Variants in LARP1B observed in about 807,000 individuals in gnomAD.
LARP1B encodes the protein la-related protein 1B.
LARP1B carries 76 observed loss-of-function variants against 114.2 expected under a neutral mutation model. That is an observed-to-expected ratio of 0.67 (90% CI 0.55 to 0.81). The LOEUF (loss-of-function observed/expected upper bound fraction) is 0.81, where lower values mean the gene tolerates loss of function less well. LARP1B is among the 30% of genes least tolerant of loss of function. LARP1B has a pLI of 0.00. For missense variants in LARP1B, 1,014 were observed against 1,075.8 expected (o/e 0.94, Z 0.80); for synonymous variants, 345 against 348.0 (o/e 0.99, Z 0.10).
intron 11 of LARP1B, among the ~76,000 whole-genome samples, chr4:128,125,718 C>A (rs1053376729): frequency 4.6e-5 from 7 of 152,102 alleles, no homozygotes; most frequent in African/African-American, 1.7e-4. Flanking sequence ...TGCATTCCAG[C>A]CTTGTGACAG....
chr4:128,073,753 G>A (rs1198186557), intron 1 of LARP1B, among the ~76,000 whole-genome samples: 2 of 150,816 alleles, frequency 1.3e-5, no homozygotes, highest in Non-Finnish European at 2.9e-5. Flanking sequence ...ACCACACTGG[G>A]CTAATTTTTC....
At chr4:128,195,480 T>C (rs1339423797) in intron 15 of LARP1B, among the ~76,000 whole-genome samples, 1 of 152,214 alleles carries the variant, frequency 6.6e-6, no homozygotes, top group Admixed American at 6.5e-5. Context: ...AGAATTTATT[T>C]AATGATAGCT....
chr4:128,108,537 A>T, intron 9 of LARP1B: 1 of 985,522 alleles, frequency 1.0e-6, no homozygotes, highest in Non-Finnish European at 1.2e-6. Context: ...TCGATGATGG[A>T]CAGTCTCACA....
intron 1 of LARP1B, chr4:128,061,672 G>C: frequency 1.0e-6 from 1 of 984,666 alleles, no homozygotes; most frequent in Non-Finnish European, 1.2e-6. Context: ...ACCCCGGCTG[G>C]GGCGGCTGGG....
chr4:128,141,238 C>G (rs1442755164), intron 11 of LARP1B, among the ~76,000 whole-genome samples: 2 of 152,056 alleles, frequency 1.3e-5, no homozygotes, highest in Non-Finnish European at 2.9e-5. Context: ...ACGTCCATTC[C>G]AAAAATGTGC....
chr4:128,200,076 A>T (rs1406954061), intron 16 of LARP1B, among the ~76,000 whole-genome samples: 3 of 152,042 alleles, frequency 2.0e-5, no homozygotes, highest in African/African-American at 7.2e-5. Context: ...ACAGAGTGAG[A>T]CTCTGTCTCA....
chr4:128,060,930 T>C (rs542682441), upstream of LARP1B, among the ~76,000 whole-genome samples: 261 of 152,258 alleles, frequency 1.7e-3, no homozygotes, highest in African/African-American at 5.8e-3. Flanking sequence ...CTTTAGGGCC[T>C]AAGGGCAAAT....
intron 8 of LARP1B, among the ~76,000 whole-genome samples, chr4:128,098,747 G>GTGTGTATATATATA: frequency 0.01 from 156 of 15,576 alleles, 30 homozygotes; most frequent in Middle Eastern, 0.1. Context: ...ATATGTATGT[G>GTGTGTATATATATA]TATATATATA....
At chr4:128,208,542 A>G (rs1027966775) in intron 19 of LARP1B, among the ~76,000 whole-genome samples, 1 of 152,182 alleles carries the variant, frequency 6.6e-6, no homozygotes, top group African/African-American at 2.4e-5. Flanking sequence ...TTCTGTCACA[A>G]AGACATCCTT....
chr4:128,180,397 C>T (rs923182235), intron 15 of LARP1B, among the ~76,000 whole-genome samples: 1 of 152,060 alleles, frequency 6.6e-6, no homozygotes. Flanking sequence ...AAAAGAAATG[C>T]TAGGGAGTTT....
intron 15 of LARP1B, among the ~76,000 whole-genome samples, chr4:128,196,714 G>C (rs1317450065): frequency 1.3e-5 from 2 of 151,644 alleles, no homozygotes; most frequent in Non-Finnish European, 2.9e-5. Flanking sequence ...TATATCAAAA[G>C]TATTGAAAAC....
chr4:128,188,914 CAT>C (rs1751277158), intron 15 of LARP1B, among the ~76,000 whole-genome samples: 2 of 152,142 alleles, frequency 1.3e-5, no homozygotes, highest in Non-Finnish European at 2.9e-5. Context: ...TGTAGCCTAA[CAT>C]ATGTTTTATC....
chr4:128,121,518 C>T (rs1787979564), intron 10 of LARP1B, among the ~76,000 whole-genome samples: 1 of 151,768 alleles, frequency 6.6e-6, no homozygotes, highest in Admixed American at 6.6e-5. Flanking sequence ...TAGGCAAATA[C>T]TTTCATATCT....
chr4:128,154,131 C>T (rs1169599616), intron 11 of LARP1B, among the ~76,000 whole-genome samples: 1 of 152,088 alleles, frequency 6.6e-6, no homozygotes, highest in Non-Finnish European at 1.5e-5. Flanking sequence ...AGATAATTTA[C>T]TACAAGTCCA....
chr4:128,176,658 C>T lies in LARP1B; in HGVS notation c.1649-214C>T, dbSNP rs548706022. Among the ~76,000 whole-genome samples, 9 of 152,198 alleles carry T rather than the reference C, an allele frequency of 5.9e-5. No homozygotes were observed. The South Asian group carries it at 1.9e-3, about 32-fold the overall frequency. On this transcript the variant is annotated intron_variant, in intron 12 of 19. Coordinates refer to ENST00000326639, the MANE Select transcript of LARP1B (RefSeq NM_018078.4). ...CACAATTCAATTAAGTTTAGCATTCCTTTGATGAGGATACATTTTTTCCCA... is the reference window on the plus strand; with the variant it reads ...CACAATTCAATTAAGTTTAGCATTCTTTTGATGAGGATACATTTTTTCCCA...
chr4:128,209,895 T>A lies in LARP1B; in HGVS notation c.2587T>A (p.Ser863Thr), dbSNP rs780364241. The stretch of plus-strand genomic sequence containing the variant: ...TGAATTTGGAAGAAAAAGACATTCC[T>A]CTACTTCTGGTGAGGAGAGTAATCG... ...SDEFGRKRHSSTSGEESNRHR... is the reference protein window; with the variant it reads ...SDEFGRKRHSTTSGEESNRHR... Residue 863 changes from serine to threonine, a missense_variant, in exon 20 of 20, where the codon TCT (serine) becomes ACT (threonine). Physicochemically the swap from Ser to Thr is moderately conservative, Grantham distance 58 (BLOSUM62 1). Transcript: ENST00000326639. 1 of 1,614,072 alleles carries A rather than the reference T, an allele frequency of 6.2e-7. No individual in the cohort carries two copies. Among genetic ancestry groups the A allele is most frequent in the Non-Finnish European group, 8.5e-7 (1 of 1,179,970 alleles).
chr4:128,071,981 TTTA>T (rs1579795649), intron 1 of LARP1B, among the ~76,000 whole-genome samples: 1 of 137,014 alleles, frequency 7.3e-6, no homozygotes, highest in East Asian at 2.0e-4. Flanking sequence ...AGGATAACGT[TTTA>T]TTATTTATTT....
chr4:128,125,513 C>T (rs1202638121), intron 11 of LARP1B, among the ~76,000 whole-genome samples: 6 of 152,150 alleles, frequency 3.9e-5, no homozygotes, highest in Non-Finnish European at 7.4e-5. Context: ...TTCGGGAGGC[C>T]GATGTGGGTG....
intron 10 of LARP1B, among the ~76,000 whole-genome samples, chr4:128,117,206 A>G (rs1025938427): frequency 7.3e-6 from 1 of 136,184 alleles, no homozygotes; most frequent in Non-Finnish European, 1.6e-5. Flanking sequence ...CCGGCCTGAG[A>G]TTTTTTTTTT....
Sources: allele counts gnomAD v4.1 joint callset (sites outside exome capture counted in the v4.1 genomes callset), GRCh38; gene constraint gnomAD v4.1.1; transcripts MANE v1.5; gene names NCBI Gene and HGNC (gene_info 2026-07-23, HGNC 2026-07-21).